Variants in SH3RF3 observed in about 807,000 individuals in gnomAD.
SH3RF3 encodes the protein E3 ubiquitin-protein ligase SH3RF3.
SH3RF3 carries 29 observed loss-of-function variants against 66.3 expected under a neutral mutation model. That is an observed-to-expected ratio of 0.44 (90% CI 0.33 to 0.60). SH3RF3 has a LOEUF of 0.60. SH3RF3 is among the 20% of genes least tolerant of loss of function. The pLI is 0.04. For synonymous variants in SH3RF3, 583 were observed against 532.0 expected (o/e 1.10, Z -1.32); for missense variants, 1,194 against 1,190.9 (o/e 1.00, Z -0.04).
chr2:109,298,332 C>T (rs1213945209), intron 1 of SH3RF3, among the ~76,000 whole-genome samples: 4 of 152,110 alleles, frequency 2.6e-5, no homozygotes, highest in African/African-American at 9.7e-5. Context: ...TGTCTGTCAT[C>T]CTTGTCCCTG....
chr2:109,411,742 C>T (rs763982935), intron 4 of SH3RF3, among the ~76,000 whole-genome samples: 2 of 152,224 alleles, frequency 1.3e-5, no homozygotes, highest in Non-Finnish European at 1.5e-5. Flanking sequence ...ACGGGAGCCA[C>T]GCTCAGCCAT....
intron 1 of SH3RF3, among the ~76,000 whole-genome samples, chr2:109,293,370 G>A (rs1346501297): frequency 2.0e-5 from 3 of 152,202 alleles, no homozygotes; most frequent in Non-Finnish European, 1.5e-5. Context: ...GAAAAATCTG[G>A]GAAAGGGGCT....
chr2:109,427,748 C>T (rs951377980), intron 5 of SH3RF3, among the ~76,000 whole-genome samples: 13 of 152,224 alleles, frequency 8.5e-5, no homozygotes, highest in South Asian at 2.1e-4. Context: ...TCTCAACCCG[C>T]GTAACTGCCT....
chr2:109,400,454 T>C (rs1243248478), intron 4 of SH3RF3, among the ~76,000 whole-genome samples: 4 of 152,024 alleles, frequency 2.6e-5, no homozygotes, highest in African/African-American at 9.7e-5. Flanking sequence ...CCCTTCCACA[T>C]GCACACACAT....
intron 1 of SH3RF3, among the ~76,000 whole-genome samples, chr2:109,137,886 G>A (rs1366594005): frequency 6.6e-6 from 1 of 152,240 alleles, no homozygotes; most frequent in Non-Finnish European, 1.5e-5. Context: ...GCTCACCCAT[G>A]TGGGTTGAGG....
intron 3 of SH3RF3, among the ~76,000 whole-genome samples, chr2:109,373,531 T>C (rs972473025): frequency 6.6e-6 from 1 of 152,170 alleles, no homozygotes; most frequent in African/African-American, 2.4e-5. Context: ...CCAAGTGAAA[T>C]TTTTGAAAGA....
At chr2:109,257,661 G>A (rs567023866) in intron 1 of SH3RF3, among the ~76,000 whole-genome samples, 25 of 152,236 alleles carry the variant, frequency 1.6e-4, no homozygotes, top group African/African-American at 6.0e-4. Flanking sequence ...GCCTTGGTTT[G>A]CGCTTCAGGG....
chr2:109,409,934 A>G (rs879632882), intron 4 of SH3RF3, among the ~76,000 whole-genome samples: 3 of 152,162 alleles, frequency 2.0e-5, no homozygotes, highest in Non-Finnish European at 4.4e-5. Flanking sequence ...CTTACATTAA[A>G]CATTTAAATG....
intron 1 of SH3RF3, among the ~76,000 whole-genome samples, chr2:109,339,288 T>TG (rs1682503122): frequency 2.0e-5 from 2 of 101,218 alleles, no homozygotes; most frequent in East Asian, 3.1e-4. Flanking sequence ...TTTGGGGGGG[T>TG]GGGGGGTAAC....
chr2:109,404,885 C>T (rs765029132), intron 4 of SH3RF3, among the ~76,000 whole-genome samples: 1 of 152,138 alleles, frequency 6.6e-6, no homozygotes, highest in Non-Finnish European at 1.5e-5. Context: ...CAGCACTTGA[C>T]GCTGTGGACA....
chr2:109,432,671 G>A lies in SH3RF3; in HGVS notation c.1574G>A (p.Arg525Lys). 1 of 1,610,628 alleles carries A rather than the reference G, an allele frequency of 6.2e-7. No homozygotes were observed. The highest frequency in any genetic ancestry group is 8.5e-7 in the Non-Finnish European group (1 of 1,178,456). Reference protein sequence around the residue: ...FPGNYVTPVSRVPAGGAGPPR... With the variant: ...FPGNYVTPVSKVPAGGAGPPR... ...GGAAACTACGTGACACCCGTTTCCA[G>A]GTGAGGGCATGGTGGTGGCAGCCTG... Residue 525 changes from arginine (R) to lysine (K), a missense_variant and splice_region_variant, in exon 6 of 10, where the codon AGG (arginine) becomes AAG (lysine). Physicochemically the swap from Arg to Lys is conservative, Grantham distance 26. Transcript: ENST00000309415.
intron 1 of SH3RF3, among the ~76,000 whole-genome samples, chr2:109,343,136 G>A (rs1170864175): frequency 6.6e-6 from 1 of 152,094 alleles, no homozygotes; most frequent in Non-Finnish European, 1.5e-5. Flanking sequence ...GGACATAGAG[G>A]CCTCCAGGTT....
intron 1 of SH3RF3, among the ~76,000 whole-genome samples, chr2:109,188,943 A>AT: frequency 6.6e-6 from 1 of 151,708 alleles, no homozygotes; most frequent in Non-Finnish European, 1.5e-5. Flanking sequence ...TAAAAAAAAA[A>AT]CCTGAAAATG....
At chr2:109,187,970 G>A (rs1403858995) in intron 1 of SH3RF3, among the ~76,000 whole-genome samples, 1 of 152,186 alleles carries the variant, frequency 6.6e-6, no homozygotes, top group African/African-American at 2.4e-5. Context: ...GGGCGGTAGG[G>A]ATTGTAAGGA....
At chr2:109,480,513 A>T (rs540139157) in intron 8 of SH3RF3, among the ~76,000 whole-genome samples, 1 of 152,140 alleles carries the variant, frequency 6.6e-6, no homozygotes, top group Non-Finnish European at 1.5e-5. Flanking sequence ...TAGGGAGGTG[A>T]CATCAGACTG....
chr2:109,413,410 G>C (rs1052679477), intron 4 of SH3RF3, among the ~76,000 whole-genome samples: 7 of 152,174 alleles, frequency 4.6e-5, no homozygotes, highest in Middle Eastern at 3.2e-3. Context: ...CACCACCCCA[G>C]GCCTGTCTGG....
rs1479702996 is a variant in SH3RF3 at position 109,129,678 on chromosome 2, G to A, written c.138G>A (p.Met46Ile). 6.6e-7 allele frequency: 1 copy of A among 1,523,464 alleles called. No homozygotes were observed. The highest frequency in any genetic ancestry group is 8.8e-7 in the Non-Finnish European group (1 of 1,140,912). The allele number at this position is 1,523,464 out of a possible 1,614,324, so 94.4% of individuals were successfully genotyped here. The change falls in exon 1 of 10, where the codon ATG becomes ATA. Residue 46 changes from methionine to isoleucine, a missense_variant. Physicochemically the swap from Met to Ile is conservative, Grantham distance 10. Transcript: ENST00000309415. ...AATAAGAGED[M>I]DESSLLDLLE... is the part of the protein sequence containing the mutation. ...CCGCCGCGGGGGCGGGCGAGGACATGGACGAGTCGTCGCTGCTGGACCTGC... is the reference window on the plus strand; with the variant it reads ...CCGCCGCGGGGGCGGGCGAGGACATAGACGAGTCGTCGCTGCTGGACCTGC...
chr2:109,274,506 A>G (rs1357543856), intron 1 of SH3RF3, among the ~76,000 whole-genome samples: 1 of 152,222 alleles, frequency 6.6e-6, no homozygotes, highest in East Asian at 1.9e-4. Flanking sequence ...CCTCAAAAAC[A>G]TTATGCTCAA....
At chr2:109,262,307 G>A (rs1362958477) in intron 1 of SH3RF3, among the ~76,000 whole-genome samples, 1 of 152,174 alleles carries the variant, frequency 6.6e-6, no homozygotes. Context: ...TAAATGTCTC[G>A]AGTAACCACG....
Sources: gnomAD v4.1 joint callset for allele counts (sites outside exome capture counted in the v4.1 genomes callset) on GRCh38, gnomAD v4.1.1 for gene constraint, MANE v1.5 for transcripts, NCBI Gene and HGNC (gene_info 2026-07-23, HGNC 2026-07-21) for gene names.